The following TSHZ2 variants were observed in gnomAD, a reference collection of about 807,000 sequenced individuals.
TSHZ2 encodes the protein teashirt homolog 2.
Under a neutral mutation model 74.4 loss-of-function variants are expected in TSHZ2, and 21 were observed. The ratio of observed to expected loss-of-function variants is 0.28; its 90% CI spans 0.20 to 0.41. The LOEUF (loss-of-function observed/expected upper bound fraction) is 0.41. Among genes scored for constraint, TSHZ2 ranks in the 10% least tolerant of loss-of-function variants. The pLI is 1.00. For missense variants in TSHZ2, 1,244 were observed against 1,293.5 expected, an observed-to-expected ratio of 0.96 and a Z score of 0.59; for synonymous variants, 540 against 515.3, an observed-to-expected ratio of 1.05 and a Z score of -0.65.
intron 1 of TSHZ2, among the ~76,000 whole-genome samples, chr20:53,166,831 T>G (rs1054535572): frequency 1.3e-5 from 2 of 152,154 alleles, no homozygotes; most frequent in African/African-American, 4.8e-5. Flanking sequence ...TCTGCCTGCA[T>G]GCAGCTTACA....
intron 1 of TSHZ2, among the ~76,000 whole-genome samples, chr20:53,103,850 C>T (rs1485100917): frequency 2.0e-5 from 3 of 152,088 alleles, no homozygotes; most frequent in Admixed American, 6.6e-5. Flanking sequence ...GAGGAGCTGC[C>T]GCAGGTGGGA....
intron 1 of TSHZ2, among the ~76,000 whole-genome samples, chr20:52,976,690 C>T (rs572263171): frequency 2.2e-4 from 33 of 152,278 alleles, no homozygotes; most frequent in Non-Finnish European, 4.0e-4. Flanking sequence ...ATAAATAATA[C>T]GTATTTTATT....
intron 2 of TSHZ2, among the ~76,000 whole-genome samples, chr20:53,466,203 G>A (rs761870831): frequency 1.9e-4 from 29 of 151,056 alleles, no homozygotes; most frequent in Non-Finnish European, 3.1e-4. Flanking sequence ...AGCCGAGATC[G>A]TGCTGTTGCA....
chr20:53,471,651 G>T (rs1223604228), intron 2 of TSHZ2, among the ~76,000 whole-genome samples: 1 of 152,126 alleles, frequency 6.6e-6, no homozygotes, highest in Non-Finnish European at 1.5e-5. Context: ...AGCAGAGGGA[G>T]CAGCACGTGC....
intron 2 of TSHZ2, among the ~76,000 whole-genome samples, chr20:53,302,413 A>C (rs1443144069): frequency 3.3e-5 from 5 of 152,156 alleles, no homozygotes; most frequent in African/African-American, 9.7e-5. Flanking sequence ...TTAGTGAATA[A>C]TTTTTATTCT....
At chr20:53,040,103 T>TA (rs1395563327) in intron 1 of TSHZ2, among the ~76,000 whole-genome samples, 10 of 152,034 alleles carry the variant, frequency 6.6e-5, no homozygotes, top group Admixed American at 1.3e-4. Flanking sequence ...AGACTCCGTC[T>TA]AAAAAAACAA....
In TSHZ2 at chr20:53,214,478, G is replaced by A. The variant is rs773029470; in HGVS notation, c.41-39021G>A. On this transcript the variant is annotated intron_variant, in intron 1 of 2. Coordinates refer to ENST00000371497, the MANE Select transcript of TSHZ2 (RefSeq NM_173485.6). ...CTCAACACTTTGGGAGGCTGAGGCC[G>A]GCAGATCACTTGAACTGGCCAATAT... Among the ~76,000 whole-genome samples, 17 of 152,178 alleles carry A rather than the reference G, an allele frequency of 1.1e-4. 1 individual carries two copies. The highest frequency in any genetic ancestry group is 6.2e-4 in the South Asian group (3 of 4,816).
chr20:53,076,629 A>T (rs138493553), intron 1 of TSHZ2, among the ~76,000 whole-genome samples: 105 of 152,324 alleles, frequency 6.9e-4, no homozygotes, highest in Middle Eastern at 3.4e-3. Flanking sequence ...GCTAAAAAAG[A>T]AAAAAACAGC....
rs777407290 is a variant in TSHZ2, at chr20:53,417,284, G to GT, written c.*9-69848dup. On this transcript the variant is annotated intron_variant, in intron 2 of 2. Coordinates refer to ENST00000371497, the MANE Select transcript of TSHZ2 (RefSeq NM_173485.6). ...CACACACACACACACACACACCATA[G>GT]TTTTTTTTTTTTATTTGTTTGTTTT... Among the ~76,000 whole-genome samples the GT allele has an allele frequency of 7.0e-3, 958 of 137,200 alleles. 7 individuals carry two copies. Among genetic ancestry groups the GT allele is most frequent in the Middle Eastern group, 0.025 (7 of 280 alleles). 90.0% of individuals were successfully genotyped at this position (137,200 alleles called of 152,430 possible). A position where few individuals can be genotyped will look rare whatever the true frequency, so the allele number is the denominator to read the frequency against.
At chr20:53,019,108 G>A (rs1348851032) in intron 1 of TSHZ2, among the ~76,000 whole-genome samples, 1 of 152,134 alleles carries the variant, frequency 6.6e-6, no homozygotes, top group Non-Finnish European at 1.5e-5. Context: ...AGCAAAATGT[G>A]CTGTACTCTT....
intron 2 of TSHZ2, among the ~76,000 whole-genome samples, chr20:53,417,235 CACACAG>C (rs1369549588): frequency 6.0e-5 from 7 of 116,902 alleles, no homozygotes; most frequent in South Asian, 3.1e-4. Context: ...GACACAGACA[CACACAG>C]ACACACACAC....
At chr20:53,156,100 C>T (rs536756854) in intron 1 of TSHZ2, among the ~76,000 whole-genome samples, 1 of 152,284 alleles carries the variant, frequency 6.6e-6, no homozygotes, top group East Asian at 1.9e-4. Flanking sequence ...CCACAGTCCT[C>T]ACCATTCTCT....
At chr20:53,072,161 C>G (rs544526193) in intron 1 of TSHZ2, among the ~76,000 whole-genome samples, 1 of 152,160 alleles carries the variant, frequency 6.6e-6, no homozygotes, top group Admixed American at 6.5e-5. Context: ...TCCTAACCAA[C>G]AAATCCAAAC....
In TSHZ2 at chr20:53,269,019, A is replaced by G. The variant is rs191243504; in HGVS notation, c.*8+12448A>G. 3.3e-5 allele frequency among the ~76,000 whole-genome samples: 5 copies of G among 152,308 alleles called. No homozygotes were observed. In the South Asian group the frequency reaches 6.2e-4, roughly 19 times the overall value. ...GATGCCGTGAGGTCTTAAAAATAAT[A>G]TAGGTTCAGATTGATAAAACAGGCT... On this transcript the variant is annotated intron_variant, in intron 2 of 2. Transcript: ENST00000371497.
In TSHZ2 at chr20:53,031,975, AAG is replaced by A. The variant is rs1983656601; in HGVS notation, c.40+58644_40+58645del. 1.3e-5 allele frequency among the ~76,000 whole-genome samples: 2 copies of A among 150,044 alleles called. 1 individual carries two copies. Among genetic ancestry groups the A allele is most frequent in the Admixed American group, 1.3e-4 (2 of 15,010 alleles). ...GAAGGAAGGAAGATAGGAAGAGAGA[AAG>A]AAAGAAAGAAATTCAAAGCTTGAGT... On this transcript the variant is annotated intron_variant, in intron 1 of 2. Transcript: ENST00000371497.
chr20:53,209,927 C>T (rs1989260101), intron 1 of TSHZ2, among the ~76,000 whole-genome samples: 1 of 152,174 alleles, frequency 6.6e-6, no homozygotes, highest in African/African-American at 2.4e-5. Context: ...GCAGAAGTAC[C>T]TACTTCCTAG....
chr20:53,228,931 G>A (rs373955394), intron 1 of TSHZ2, among the ~76,000 whole-genome samples: 1 of 152,148 alleles, frequency 6.6e-6, no homozygotes, highest in African/African-American at 2.4e-5. Context: ...CTCAACAGGC[G>A]GGATGACCTT....
At chr20:53,072,708 A>G (rs972493248) in intron 1 of TSHZ2, among the ~76,000 whole-genome samples, 5 of 152,212 alleles carry the variant, frequency 3.3e-5, no homozygotes, top group African/African-American at 4.8e-5. Flanking sequence ...AGGTTTTCCA[A>G]GACTCCTCTG....
intron 2 of TSHZ2, among the ~76,000 whole-genome samples, chr20:53,411,385 C>T (rs1983049431): frequency 6.6e-6 from 1 of 152,178 alleles, no homozygotes; most frequent in African/African-American, 2.4e-5. Context: ...AGCTCCATGT[C>T]TTGGCCTGGG....
Sources: gnomAD v4.1 joint callset for allele counts (sites outside exome capture counted in the v4.1 genomes callset) on GRCh38, gnomAD v4.1.1 for gene constraint, MANE v1.5 for transcripts, NCBI Gene and HGNC (gene_info 2026-07-23, HGNC 2026-07-21) for gene names.